Variants in XKRX observed in about 807,000 individuals in gnomAD.
XKRX encodes the protein XK-related protein 2.
XKRX carries 11 observed loss-of-function variants against 22.4 expected under a neutral mutation model. That is an observed-to-expected ratio of 0.49 (90% confidence interval 0.31 to 0.81). XKRX has a LOEUF of 0.81. XKRX is among the 40% of genes least tolerant of loss of function. The pLI is 0.05. For synonymous variants in XKRX, 114 were observed against 132.2 expected (o/e 0.86, Z 0.94); for missense variants, 320 against 336.5 (o/e 0.95, Z 0.38).
upstream of XKRX, among the ~76,000 whole-genome samples, chrX:100,931,731 G>A (rs1046476183): frequency 1.8e-5 from 2 of 111,087 alleles, no homozygotes; most frequent in Non-Finnish European, 3.8e-5. Context: ...TTGACAAATG[G>A]TGATGATGAT....
the XKRX span, among the ~76,000 whole-genome samples, chrX:100,894,481 T>G: frequency 8.9e-6 from 1 of 111,803 alleles, no homozygotes; most frequent in South Asian, 3.8e-4. Flanking sequence ...AATGCATTTA[T>G]GTTTTTTTCA....
chrX:100,933,220 C>T (rs970078418), upstream of XKRX, among the ~76,000 whole-genome samples: 2 of 109,819 alleles, frequency 1.8e-5, no homozygotes, highest in African/African-American at 6.6e-5. Flanking sequence ...GTGGTTCACA[C>T]CTGTTAATCC....
At chrX:100,912,855 G>C (rs1288634135), downstream of XKRX, among the ~76,000 whole-genome samples, 2 of 111,637 alleles carry the variant, frequency 1.8e-5, no homozygotes, top group Non-Finnish European at 3.8e-5. Context: ...TCGTCCACTG[G>C]GGGTATAGGA....
the XKRX span, among the ~76,000 whole-genome samples, chrX:100,936,559 A>G: frequency 2.9e-5 from 3 of 102,064 alleles, no homozygotes; most frequent in Non-Finnish European, 5.9e-5. Flanking sequence ...AAAAAAAAAA[A>G]AAAAAAAAAA....
chrX:100,895,964 C>T, the XKRX span, among the ~76,000 whole-genome samples: 1 of 111,952 alleles, frequency 8.9e-6, no homozygotes, highest in South Asian at 3.8e-4. Flanking sequence ...TTGCTCATTC[C>T]TGCTAGGCAA....
At chrX:100,893,257 T>C in the XKRX span, among the ~76,000 whole-genome samples, 3 of 111,894 alleles carry the variant, frequency 2.7e-5, no homozygotes, top group East Asian at 5.6e-4. Context: ...TTGTACAGCA[T>C]GGTGACTATA....
upstream of XKRX, among the ~76,000 whole-genome samples, chrX:100,931,153 T>TA (rs3833915): frequency 2.8e-3 from 241 of 87,112 alleles, no homozygotes; most frequent in African/African-American, 7.4e-3. Flanking sequence ...AAATTAAAAA[T>TA]AAAAAAAAAA....
In XKRX at chrX:100,914,856, G is replaced by C; in HGVS notation, c.832C>G (p.Leu278Val). 8.3e-7 allele frequency: 1 copy of C among 1,211,865 alleles called. No homozygotes were observed. Among genetic ancestry groups the C allele is most frequent in the Non-Finnish European group, 1.1e-6 (1 of 895,580 alleles). Residue 278 changes from leucine to valine, a missense_variant, in exon 3 of 3, where the codon CTG becomes GTG. Physicochemically the swap from Leu to Val is conservative, Grantham distance 32 (BLOSUM62 1). Coordinates refer to ENST00000372956, the MANE Select transcript of XKRX (RefSeq NM_212559.3). ...ATCCAGGGCTCAAAGAGGATGATCAGGAAGTTGAGCACTAGGAAGGGCACA... is the reference window on the plus strand; with the variant it reads ...ATCCAGGGCTCAAAGAGGATGATCACGAAGTTGAGCACTAGGAAGGGCACA... ...KAVPFLVLNF[L>V]IILFEPWIKF... is the part of the protein sequence containing the mutation.
At chrX:100,949,405 G>A in the XKRX span, among the ~76,000 whole-genome samples, 1 of 98,031 alleles carries the variant, frequency 1.0e-5, no homozygotes, top group East Asian at 3.2e-4. Flanking sequence ...TTGCTCTGTC[G>A]CCCAGGCAGG....
chrX:100,920,330 C>T (rs772670472), intron 2 of XKRX, among the ~76,000 whole-genome samples: 1 of 110,755 alleles, frequency 9.0e-6, no homozygotes, highest in Non-Finnish European at 1.9e-5. Context: ...GCATACTGTA[C>T]TTTTGAAAAA....
chrX:100,904,383 A>G, the XKRX span, among the ~76,000 whole-genome samples: 1 of 112,602 alleles, frequency 8.9e-6, no homozygotes, highest in Non-Finnish European at 1.9e-5. Flanking sequence ...TGTAAAACAC[A>G]AAATGATAAA....
chrX:100,952,475 C>T, the XKRX span, among the ~76,000 whole-genome samples: 6 of 110,200 alleles, frequency 5.4e-5, no homozygotes, highest in Non-Finnish European at 1.1e-4. Flanking sequence ...CTTCTCACCA[C>T]GGTGATTCAA....
chrX:100,926,421 AT>A (rs869080219), intron 1 of XKRX, among the ~76,000 whole-genome samples: 1 of 112,137 alleles, frequency 8.9e-6, no homozygotes, highest in African/African-American at 3.2e-5. Context: ...TTGATAAAAA[AT>A]TTTTTTGGCC....
At chrX:100,946,939 A>T in the XKRX span, among the ~76,000 whole-genome samples, 2 of 112,271 alleles carry the variant, frequency 1.8e-5, no homozygotes, top group African/African-American at 6.5e-5. Context: ...ACCACCTGTG[A>T]CACATACATT....
the XKRX span, among the ~76,000 whole-genome samples, chrX:100,953,886 G>C: frequency 1.1e-5 from 1 of 90,641 alleles, no homozygotes; most frequent in African/African-American, 4.2e-5. Context: ...TCCAGCCTGG[G>C]CAACAGAGTG....
chrX:100,945,110 C>T, the XKRX span, among the ~76,000 whole-genome samples: 1 of 108,528 alleles, frequency 9.2e-6, no homozygotes, highest in Non-Finnish European at 1.9e-5. Context: ...CAAGTTCTTG[C>T]TCTGTCACCC....
the XKRX span, among the ~76,000 whole-genome samples, chrX:100,956,170 A>T: frequency 1.8e-5 from 2 of 111,361 alleles, no homozygotes; most frequent in Non-Finnish European, 3.8e-5. Flanking sequence ...AGATGGACTC[A>T]TGGTAAGGAC....
chrX:100,887,370 G>GA, the XKRX span, among the ~76,000 whole-genome samples: 6 of 111,478 alleles, frequency 5.4e-5, no homozygotes, highest in Non-Finnish European at 9.4e-5. Flanking sequence ...TGGGTGCAAG[G>GA]AAAAAAATCT....
the XKRX span, among the ~76,000 whole-genome samples, chrX:100,955,861 G>A: frequency 9.0e-5 from 10 of 111,587 alleles, no homozygotes; most frequent in Non-Finnish European, 1.5e-4. Flanking sequence ...AACAAACCAT[G>A]TATACGCACA....
Sources: gnomAD v4.1 joint callset for allele counts (sites outside exome capture counted in the v4.1 genomes callset) on GRCh38, gnomAD v4.1.1 for gene constraint, MANE v1.5 for transcripts, NCBI Gene and HGNC (gene_info 2026-07-23, HGNC 2026-07-21) for gene names.